FERRY3: variants seen among roughly 807,000 people sequenced by gnomAD.
FERRY3 encodes FERRY endosomal RAB5 effector complex subunit 3.
chr12:4,527,767 A>G, the FERRY3 span, among the ~76,000 whole-genome samples: 1 of 152,180 alleles, frequency 6.6e-6, no homozygotes, highest in African/African-American at 2.4e-5. Context: ...ATAAATTACA[A>G]AACTTTTAAA....
chr12:4,493,028 C>G, the FERRY3 span, among the ~76,000 whole-genome samples: 2 of 152,086 alleles, frequency 1.3e-5, no homozygotes, highest in Non-Finnish European at 2.9e-5. Flanking sequence ...TTTCTTCTAC[C>G]TACAATGCCC....
the FERRY3 span, among the ~76,000 whole-genome samples, chr12:4,490,267 T>C: frequency 6.6e-6 from 1 of 152,182 alleles, no homozygotes; most frequent in Admixed American, 6.6e-5. Context: ...AATACAAATG[T>C]GGAGAAAAAC....
the FERRY3 span, among the ~76,000 whole-genome samples, chr12:4,517,418 T>C: frequency 6.6e-6 from 1 of 152,052 alleles, no homozygotes; most frequent in African/African-American, 2.4e-5. Flanking sequence ...TTGACATTTC[T>C]TTGTTAATGT....
the FERRY3 span, among the ~76,000 whole-genome samples, chr12:4,509,694 G>C: frequency 7.0e-6 from 1 of 142,918 alleles, no homozygotes; most frequent in African/African-American, 2.8e-5. Context: ...GGTCCTGTCT[G>C]TTAGAAGGAA....
chr12:4,499,691 A>G, the FERRY3 span, among the ~76,000 whole-genome samples: 7 of 152,222 alleles, frequency 4.6e-5, no homozygotes, highest in Admixed American at 6.5e-5. Flanking sequence ...ATCTCTTCCC[A>G]ATACCTATTA....
chr12:4,517,312 ACTTGT>A, the FERRY3 span: 3 of 1,080,186 alleles, frequency 2.8e-6, no homozygotes, highest in East Asian at 9.4e-5. Flanking sequence ...GATTTCTTAT[ACTTGT>A]CTTTTAAATA....
the FERRY3 span, among the ~76,000 whole-genome samples, chr12:4,536,807 G>C: frequency 6.6e-6 from 1 of 152,154 alleles, no homozygotes; most frequent in East Asian, 1.9e-4. Context: ...CTAGTTAAAG[G>C]CAGTAAGAAT....
chr12:4,534,090 G>T, the FERRY3 span: 2 of 1,466,898 alleles, frequency 1.4e-6, no homozygotes, highest in Non-Finnish European at 1.8e-6. Flanking sequence ...GATTACCACA[G>T]CATTTTAAAA....
the FERRY3 span, chr12:4,525,165 C>T: frequency 4.3e-5 from 62 of 1,443,858 alleles, no homozygotes; most frequent in Non-Finnish European, 5.3e-5. Flanking sequence ...ATTAAAAAGA[C>T]ATACAGCTAA....
At chr12:4,534,015 G>A in the FERRY3 span, 1 of 854,204 alleles carries the variant, frequency 1.2e-6, no homozygotes. Flanking sequence ...AGGAAGCACA[G>A]AAGCAGCAAC....
the FERRY3 span, chr12:4,490,472 A>T: frequency 7.0e-7 from 1 of 1,419,410 alleles, no homozygotes; most frequent in Non-Finnish European, 9.6e-7. Flanking sequence ...ATCTGTGAGA[A>T]ATCTAATAAA....
the FERRY3 span, among the ~76,000 whole-genome samples, chr12:4,507,631 CA>C: frequency 6.6e-6 from 1 of 151,988 alleles, no homozygotes; most frequent in East Asian, 1.9e-4. Flanking sequence ...CTTATAGTAA[CA>C]AAAAATAAGC....
chr12:4,505,383 A>G, the FERRY3 span: 6 of 1,583,054 alleles, frequency 3.8e-6, no homozygotes, highest in African/African-American at 2.7e-5. Flanking sequence ...TCCAGAATCT[A>G]TTCATAAGAC....
At chr12:4,530,164 T>C in the FERRY3 span, 1 of 868,002 alleles carries the variant, frequency 1.2e-6, no homozygotes, top group South Asian at 1.7e-5. Flanking sequence ...AAAGACCCTC[T>C]TATATATATA....
the FERRY3 span, chr12:4,529,952 G>A: frequency 1.2e-6 from 2 of 1,613,440 alleles, no homozygotes; most frequent in Non-Finnish European, 1.7e-6. Flanking sequence ...CCAAATTTAA[G>A]AGAGTTTCAG....
chr12:4,533,775 A>G, the FERRY3 span, among the ~76,000 whole-genome samples: 5 of 152,256 alleles, frequency 3.3e-5, no homozygotes, highest in Admixed American at 3.3e-4. Context: ...CACTTAAATT[A>G]GAATTTCAGA....
At chr12:4,494,258 C>T in the FERRY3 span, among the ~76,000 whole-genome samples, 1 of 151,916 alleles carries the variant, frequency 6.6e-6, no homozygotes, top group African/African-American at 2.4e-5. Context: ...AGAGGTACAG[C>T]GAATTGCTTA....
the FERRY3 span, among the ~76,000 whole-genome samples, chr12:4,511,728 G>A: frequency 0.023 from 3,316 of 146,578 alleles, 87 homozygotes; most frequent in African/African-American, 0.077. Context: ...TCTCTGGGAC[G>A]CATTCAAAGC....
the FERRY3 span, among the ~76,000 whole-genome samples, chr12:4,510,701 A>AT: frequency 6.7e-6 from 1 of 149,656 alleles, no homozygotes; most frequent in East Asian, 2.0e-4. Flanking sequence ...ATGCTGAGAG[A>AT]TTTTGTCACC....
Sources: gnomAD v4.1 joint callset for allele counts (sites outside exome capture counted in the v4.1 genomes callset) on GRCh38, gnomAD v4.1.1 for gene constraint, MANE v1.5 for transcripts, NCBI Gene and HGNC (gene_info 2026-07-23, HGNC 2026-07-21) for gene names.